Variants in ZNF385D observed in about 807,000 individuals in gnomAD.
The protein encoded by ZNF385D is zinc finger protein 659.
A neutral mutation model predicts 35.8 loss-of-function variants in ZNF385D; 15 were observed. That is an observed-to-expected ratio of 0.42 (90% confidence interval 0.28 to 0.64). The LOEUF (loss-of-function observed/expected upper bound fraction) is 0.64, where lower values mean the gene tolerates loss of function less well. Among genes scored for constraint, ZNF385D ranks in the 30% least tolerant of loss-of-function variants. The pLI, the probability that ZNF385D is intolerant of heterozygous loss-of-function variation, is 0.23. For synonymous variants in ZNF385D, 212 were observed against 186.8 expected, an observed-to-expected ratio of 1.13 and a Z score of -1.10; for missense variants, 474 against 494.6, an observed-to-expected ratio of 0.96 and a Z score of 0.39.
chr3:21,797,998 G>A (rs1303622013), intron 3 of ZNF385D, among the ~76,000 whole-genome samples: 1 of 152,142 alleles, frequency 6.6e-6, no homozygotes, highest in South Asian at 2.1e-4. Context: ...CACCAACAGT[G>A]AACCCTAGTG....
At chr3:21,966,367 AT>A (rs998108961) in intron 3 of ZNF385D, among the ~76,000 whole-genome samples, 3 of 152,162 alleles carry the variant, frequency 2.0e-5, no homozygotes, top group Non-Finnish European at 4.4e-5. Flanking sequence ...CTTCACCTTC[AT>A]TTCCTACCAT....
chr3:22,351,192 C>T (rs1244291649), intron 2 of ZNF385D, among the ~76,000 whole-genome samples: 1 of 151,976 alleles, frequency 6.6e-6, no homozygotes. Flanking sequence ...TGCAAAGTAG[C>T]CAGAATTGGT....
chr3:22,166,245 C>T (rs1706320671), intron 3 of ZNF385D, among the ~76,000 whole-genome samples: 1 of 131,116 alleles, frequency 7.6e-6, no homozygotes, highest in Admixed American at 7.4e-5. Context: ...CATGACGATA[C>T]TTAAAACGTC....
intron 3 of ZNF385D, among the ~76,000 whole-genome samples, chr3:22,072,428 ACT>A (rs1186185567): frequency 6.6e-6 from 1 of 152,082 alleles, no homozygotes; most frequent in African/African-American, 2.4e-5. Flanking sequence ...AGAATGAAGC[ACT>A]CTCTAAACAA....
At chr3:22,175,802 A>G (rs1175664823) in intron 2 of ZNF385D, among the ~76,000 whole-genome samples, 1 of 150,960 alleles carries the variant, frequency 6.6e-6, no homozygotes, top group Non-Finnish European at 1.5e-5. Flanking sequence ...TCATATTTGG[A>G]ATACATATAT....
chr3:22,049,531 T>C (rs954146777), intron 3 of ZNF385D, among the ~76,000 whole-genome samples: 12 of 152,112 alleles, frequency 7.9e-5, no homozygotes, highest in Admixed American at 3.3e-4. Context: ...CTAATGGCTC[T>C]AGCTACAACT....
chr3:21,663,328 G>C (rs922420968), intron 2 of ZNF385D, among the ~76,000 whole-genome samples: 5 of 152,088 alleles, frequency 3.3e-5, no homozygotes, highest in Non-Finnish European at 7.4e-5. Context: ...TATTTCCCAA[G>C]AGGCAAATCA....
intron 3 of ZNF385D, among the ~76,000 whole-genome samples, chr3:21,800,922 G>C (rs892611101): frequency 6.6e-6 from 1 of 151,998 alleles, no homozygotes; most frequent in Non-Finnish European, 1.5e-5. Flanking sequence ...TTTTGTTCCT[G>C]ATTTTAGGAA....
chr3:21,596,353 A>T (rs374082093), intron 2 of ZNF385D, among the ~76,000 whole-genome samples: 8 of 152,302 alleles, frequency 5.3e-5, no homozygotes, highest in African/African-American at 1.9e-4. Flanking sequence ...GAAGATACTT[A>T]TAAGAGTGAG....
At chr3:21,758,414 G>T (rs1394597168) in intron 3 of ZNF385D, among the ~76,000 whole-genome samples, 2 of 152,170 alleles carry the variant, frequency 1.3e-5, no homozygotes, top group Non-Finnish European at 2.9e-5. Flanking sequence ...ACAATGGTCA[G>T]AATTACATGT....
intron 2 of ZNF385D, among the ~76,000 whole-genome samples, chr3:22,188,165 G>A (rs995592438): frequency 2.6e-5 from 4 of 152,036 alleles, no homozygotes; most frequent in Non-Finnish European, 1.5e-5. Flanking sequence ...AGACGAAACC[G>A]AATTTTCAAA....
At chr3:21,747,584 A>G (rs985557623) in intron 1 of ZNF385D, among the ~76,000 whole-genome samples, 1 of 152,226 alleles carries the variant, frequency 6.6e-6, no homozygotes, top group African/African-American at 2.4e-5. Context: ...CAGTGGAGAA[A>G]TGTGTCAGGC....
At chr3:22,001,001 A>C (rs1404479309) in intron 3 of ZNF385D, among the ~76,000 whole-genome samples, 1 of 152,110 alleles carries the variant, frequency 6.6e-6, no homozygotes, top group Non-Finnish European at 1.5e-5. Flanking sequence ...ATAAACTAGT[A>C]AGATTAAGGA....
intron 2 of ZNF385D, among the ~76,000 whole-genome samples, chr3:22,196,539 C>A (rs934299644): frequency 4.0e-5 from 6 of 151,390 alleles, no homozygotes; most frequent in Non-Finnish European, 8.8e-5. Context: ...TCTCTGTTAT[C>A]TTGTTGATAA....
At position 21,841,439 on chromosome 3, in the gene ZNF385D, A is replaced by T. The variant is rs547305903; in HGVS notation, c.326-176411T>A. Among the ~76,000 whole-genome samples the T allele has an allele frequency of 1.2e-4, 11 of 94,214 alleles. No individual in the cohort carries two copies. In the South Asian group the frequency reaches 1.3e-3, roughly 11 times the overall value. 61.8% of individuals were successfully genotyped at this position (94,214 alleles called of 152,430 possible). A position where few individuals can be genotyped will look rare whatever the true frequency, so the allele number is the denominator to read the frequency against. ...GTTGAATTAAAGAACATTTCATTTTAAAAAAAGTCAGACTACTGTATTAAT... is the reference window on the plus strand; with the variant it reads ...GTTGAATTAAAGAACATTTCATTTTTAAAAAAGTCAGACTACTGTATTAAT... On this transcript the variant is annotated intron_variant, in intron 3 of 5. Coordinates refer to the ZNF385D transcript ENST00000494108.
chr3:21,956,984 G>A (rs1357529034), intron 3 of ZNF385D, among the ~76,000 whole-genome samples: 1 of 152,026 alleles, frequency 6.6e-6, no homozygotes, highest in African/African-American at 2.4e-5. Flanking sequence ...TGTTGTGGGA[G>A]GGACCTGGGG....
Position 22,124,706 on chromosome 3 carries a change from T to C in ZNF385D, c.325+44111A>G, listed in dbSNP as rs148527835. On this transcript the variant is annotated intron_variant, in intron 3 of 5. Coordinates refer to the ZNF385D transcript ENST00000494108. ...ATATTTTCATATATTTGTTTGCTATTTGTATGTCTTTTTTGCGAATTGTCT... is the reference window on the plus strand; with the variant it reads ...ATATTTTCATATATTTGTTTGCTATCTGTATGTCTTTTTTGCGAATTGTCT... 2.6e-3 allele frequency among the ~76,000 whole-genome samples: 390 copies of C among 152,300 alleles called. 1 individual carries two copies. The highest frequency in any genetic ancestry group is 9.0e-3 in the African/African-American group (376 of 41,572).
intron 3 of ZNF385D, among the ~76,000 whole-genome samples, chr3:21,789,372 GC>G: frequency 6.6e-6 from 1 of 152,274 alleles, no homozygotes; most frequent in South Asian, 2.1e-4. Flanking sequence ...CAAAGTGGCA[GC>G]TTCCACTGAT....
intron 5 of ZNF385D, among the ~76,000 whole-genome samples, chr3:21,432,203 A>G (rs1483379924): frequency 1.3e-5 from 2 of 152,158 alleles, no homozygotes; most frequent in Admixed American, 6.6e-5. Context: ...AATGTATTAA[A>G]TGCATTTATT....
Sources: allele counts gnomAD v4.1 joint callset (sites outside exome capture counted in the v4.1 genomes callset), GRCh38; gene constraint gnomAD v4.1.1; transcripts MANE v1.5; gene names NCBI Gene and HGNC (gene_info 2026-07-23, HGNC 2026-07-21).